Variants in MRAP observed in about 807,000 individuals in gnomAD.
MRAP encodes the protein melanocortin 2 receptor accessory protein.
Under a neutral mutation model 8.7 loss-of-function variants are expected in MRAP, and 8 were observed. The observed-to-expected ratio is 0.92, with a 90% confidence interval of 0.54 to 1.66. MRAP has a LOEUF of 1.66. MRAP is among the 40% of genes most tolerant of loss of function. MRAP has a pLI of 0.00. For synonymous variants in MRAP, 95 were observed against 95.5 expected (o/e 1.00, Z 0.03); for missense variants, 237 against 217.1 (o/e 1.09, Z -0.58).
rs111304944 is a variant in MRAP, at chr21:32,299,218, T to G, written c.106+141T>G. 7.3e-5 allele frequency: 52 copies of G among 707,854 alleles called. 3 individuals carry two copies. Among genetic ancestry groups the G allele is most frequent in the African/African-American group, 6.1e-4 (35 of 57,016 alleles). The allele number at this position is 707,854 out of a possible 1,614,324, so 43.8% of individuals were successfully genotyped here. ...AGCAGGAATGTGGCCAGTTCACTCA[T>G]AGATATAAATGAATGGGGCTGGGAG... On this transcript the variant is annotated intron_variant, in intron 1 of 2. Coordinates refer to ENST00000303645, the MANE Select transcript of MRAP (RefSeq NM_001379228.1).
chr21:32,311,993 C>G lies in MRAP; in HGVS notation c.516C>G (p.Ser172Arg), dbSNP rs969003153. 9.9e-6 allele frequency: 16 copies of G among 1,613,082 alleles called. No homozygotes were observed. Among genetic ancestry groups the G allele is most frequent in the Middle Eastern group, 1.6e-4 (1 of 6,084 alleles). Residue 172 changes from serine (S) to arginine (R), a missense_variant, in exon 3 of 3, where the codon AGC (serine) becomes AGG (arginine). Physicochemically the swap from Ser to Arg is moderately radical, Grantham distance 110. Transcript: ENST00000303645. Reference protein sequence around the residue: ...PPGDRTSQLQS With the variant: ...PPGDRTSQLQR The stretch of plus-strand genomic sequence containing the variant: ...GAGACAGGACCTCTCAATTGCAGAG[C>G]TGATGTCAGTAAATCGTGGCCATAG...
upstream of MRAP, among the ~76,000 whole-genome samples, chr21:32,297,490 C>G (rs878967254): frequency 6.6e-6 from 1 of 152,192 alleles, no homozygotes; most frequent in Non-Finnish European, 1.5e-5. Context: ...CTGGATCAGG[C>G]GTGGAAAAAT....
chr21:32,307,852 T>A (rs2032457233), intron 2 of MRAP, among the ~76,000 whole-genome samples: 1 of 151,200 alleles, frequency 6.6e-6, no homozygotes, highest in African/African-American at 2.4e-5. Context: ...CTAGCCTGGG[T>A]GATAGAACAA....
chr21:32,314,573 C>T, downstream of MRAP: 1 of 1,614,182 alleles, frequency 6.2e-7, no homozygotes, highest in Non-Finnish European at 8.5e-7. Flanking sequence ...TGAATCTCTT[C>T]TGCATTCAGA....
chr21:32,305,061 C>T (rs2032382532), intron 1 of MRAP, among the ~76,000 whole-genome samples: 1 of 141,732 alleles, frequency 7.1e-6, no homozygotes, highest in African/African-American at 2.7e-5. Flanking sequence ...CAGCCTTGAA[C>T]TCCTGGCCTC....
chr21:32,312,591 G>A (rs1443908445), downstream of MRAP: 1 of 164,532 alleles, frequency 6.1e-6, no homozygotes, highest in African/African-American at 2.4e-5. Context: ...GCCAGGCCGG[G>A]TAAGCAGGAT....
intron 1 of MRAP, among the ~76,000 whole-genome samples, chr21:32,300,342 G>A (rs931131819): frequency 5.3e-5 from 8 of 152,112 alleles, no homozygotes; most frequent in Admixed American, 2.0e-4. Flanking sequence ...TGTCAGGGGC[G>A]TCACGCGTCC....
Position 32,311,418 on chromosome 21 carries a change from C to T in MRAP, c.207-266C>T, listed in dbSNP as rs73901394. On this transcript the variant is annotated intron_variant, in intron 2 of 2. Transcript: ENST00000303645. ...AACCTGCTCCCCTCCACCCCCCACC[C>T]CCCCCATCCTAAATCAATGTAGGAA... 781 of 299,118 alleles carry T rather than the reference C, an allele frequency of 2.6e-3. 11 individuals are homozygous for T. Among genetic ancestry groups the T allele is most frequent in the African/African-American group, 0.016 (726 of 46,046 alleles). The allele number at this position is 299,118 out of a possible 1,614,324, so 18.5% of individuals were successfully genotyped here. A position where few individuals can be genotyped will look rare whatever the true frequency, so the allele number is the denominator to read the frequency against.
chr21:32,300,840 CAT>C (rs1481026516), intron 1 of MRAP, among the ~76,000 whole-genome samples: 5 of 149,082 alleles, frequency 3.4e-5, no homozygotes, highest in African/African-American at 7.4e-5. Context: ...TCGGATATGT[CAT>C]GCGCCCTATG....
At chr21:32,314,617 T>C (rs2032650375), downstream of MRAP, 1 of 1,614,130 alleles carries the variant, frequency 6.2e-7, no homozygotes, top group Non-Finnish European at 8.5e-7. Flanking sequence ...TTTCCTGTGA[T>C]GAGCTCCAAG....
chr21:32,298,801 T>C (rs1361842135), upstream of MRAP: 8 of 623,326 alleles, frequency 1.3e-5, no homozygotes, highest in Non-Finnish European at 2.4e-5. Flanking sequence ...CCCCCTGACC[T>C]TTCTTCCAGC....
intron 1 of MRAP, 34 bp downstream of exon 1, chr21:32,299,111 G>A (rs1341193394): frequency 6.4e-7 from 1 of 1,574,420 alleles, no homozygotes; most frequent in African/African-American, 1.3e-5. Context: ...GTCAGACAGA[G>A]GCTGGGGGCC....
At chr21:32,299,547 T>G (rs768995756) in intron 1 of MRAP, among the ~76,000 whole-genome samples, 2 of 152,144 alleles carry the variant, frequency 1.3e-5, no homozygotes, top group Non-Finnish European at 2.9e-5. Flanking sequence ...CCCAGGCTGG[T>G]CTGGAACTCC....
At chr21:32,299,517 T>TGG (rs2032209640) in intron 1 of MRAP, among the ~76,000 whole-genome samples, 2 of 152,080 alleles carry the variant, frequency 1.3e-5, no homozygotes, top group South Asian at 4.1e-4. Flanking sequence ...TGTATTTTTT[T>TGG]ATAGAGACAT....
chr21:32,311,421 C>A (rs755591006), intron 2 of MRAP: 9 of 302,946 alleles, frequency 3.0e-5, no homozygotes, highest in East Asian at 1.1e-4. Context: ...CCCCACCCCC[C>A]CCATCCTAAA....
At chr21:32,300,832 G>T (rs73901387) in intron 1 of MRAP, among the ~76,000 whole-genome samples, 6 of 139,156 alleles carry the variant, frequency 4.3e-5, no homozygotes, top group East Asian at 2.2e-4. Flanking sequence ...GTCCTATGTC[G>T]GATATGTCAT....
At chr21:32,304,965 G>GTTTTTTTTTT (rs537525538) in intron 1 of MRAP, among the ~76,000 whole-genome samples, 4 of 78,128 alleles carry the variant, frequency 5.1e-5, no homozygotes, top group African/African-American at 1.4e-4. Flanking sequence ...TTTTTTTGTT[G>GTTTTTTTTTT]TTTTTTTTTT....
At chr21:32,309,305 T>G (rs959497129) in intron 2 of MRAP, among the ~76,000 whole-genome samples, 1 of 151,962 alleles carries the variant, frequency 6.6e-6, no homozygotes, top group African/African-American at 2.4e-5. Flanking sequence ...AGCCCAACAT[T>G]ACCTTGAAGG....
chr21:32,309,398 G>A (rs1191433515), intron 2 of MRAP, among the ~76,000 whole-genome samples: 1 of 151,756 alleles, frequency 6.6e-6, no homozygotes, highest in Admixed American at 6.6e-5. Flanking sequence ...GGCCATTTCC[G>A]CTCACCTTTG....
Sources: allele counts gnomAD v4.1 joint callset (sites outside exome capture counted in the v4.1 genomes callset), GRCh38; gene constraint gnomAD v4.1.1; transcripts MANE v1.5; gene names NCBI Gene and HGNC (gene_info 2026-07-23, HGNC 2026-07-21).